Variants in LMBR1 observed in about 807,000 individuals in gnomAD.
The protein encoded by LMBR1 is limb development membrane protein 1, also known as limb region 1 protein homolog.
LMBR1 carries 52 observed loss-of-function variants against 73.9 expected under a neutral mutation model. The ratio of observed to expected loss-of-function variants is 0.70; its 90% CI spans 0.56 to 0.89. LMBR1 has a LOEUF of 0.89. Among genes scored for constraint, LMBR1 ranks in the 40% least tolerant of loss-of-function variants. The probability of loss-of-function intolerance (pLI) is 0.00; values close to 1 mark genes in which losing one functional copy is unlikely to be tolerated. For synonymous variants in LMBR1, 215 were observed against 209.4 expected, an observed-to-expected ratio of 1.03 and a Z score of -0.23; for missense variants, 539 against 579.8, an observed-to-expected ratio of 0.93 and a Z score of 0.72.
intron 15 of LMBR1, 73 bp from the exon 16 acceptor site, chr7:156,688,264 C>A (rs1806385238): frequency 9.7e-7 from 1 of 1,025,670 alleles, no homozygotes; most frequent in Non-Finnish European, 1.4e-6. Context: ...AAGTAAAGTA[C>A]AAGTTAGATC....
At chr7:156,892,424 G>C (rs936768245) in intron 1 of LMBR1, 1 of 152,150 alleles carries the variant, frequency 6.6e-6, no homozygotes, top group African/African-American at 2.4e-5. Flanking sequence ...CGGACCCGCC[G>C]GGCCCACCCA....
chr7:156,818,598 C>T (rs765350732), intron 4 of LMBR1, among the ~76,000 whole-genome samples: 2 of 152,068 alleles, frequency 1.3e-5, no homozygotes, highest in African/African-American at 4.8e-5. Context: ...TTAAAATTAG[C>T]GATTTTAAAG....
intron 1 of LMBR1, among the ~76,000 whole-genome samples, chr7:156,882,606 G>A (rs980241160): frequency 3.3e-5 from 5 of 152,280 alleles, no homozygotes; most frequent in Non-Finnish European, 7.4e-5. Flanking sequence ...TGGTTCTCAG[G>A]GGCAGGGACA....
At chr7:156,750,732 T>C (rs1486349076) in intron 9 of LMBR1, among the ~76,000 whole-genome samples, 1 of 152,196 alleles carries the variant, frequency 6.6e-6, no homozygotes, top group Non-Finnish European at 1.5e-5. Context: ...AGCAACATTA[T>C]AGAATCAGGG....
At chr7:156,751,432 G>T (rs913372659) in intron 9 of LMBR1, among the ~76,000 whole-genome samples, 2 of 152,180 alleles carry the variant, frequency 1.3e-5, no homozygotes, top group Admixed American at 1.3e-4. Context: ...CATCAGACAT[G>T]GGGCAGGAGT....
chr7:156,807,988 T>A (rs539722789), intron 4 of LMBR1, among the ~76,000 whole-genome samples: 1 of 152,298 alleles, frequency 6.6e-6, no homozygotes, highest in African/African-American at 2.4e-5. Context: ...GTGTATCTTG[T>A]ATGACTTAAA....
intron 1 of LMBR1, among the ~76,000 whole-genome samples, chr7:156,862,962 G>A (rs190816188): frequency 3.7e-4 from 57 of 152,176 alleles, no homozygotes; most frequent in African/African-American, 1.3e-3. Context: ...GCAGACCATG[G>A]GACTTGTCAG....
chr7:156,688,319 T>C (rs930880100), intron 15 of LMBR1, 128 bp from the exon 16 acceptor site: 11 of 619,414 alleles, frequency 1.8e-5, no homozygotes, highest in Middle Eastern at 8.8e-4. Context: ...GATGCTCTAA[T>C]GAATAAATCC....
At chr7:156,744,190 G>A (rs1257676531) in intron 9 of LMBR1, among the ~76,000 whole-genome samples, 4 of 151,964 alleles carry the variant, frequency 2.6e-5, no homozygotes, top group African/African-American at 9.7e-5. Flanking sequence ...GGTGCGTGCC[G>A]CCACACTCAG....
chr7:156,871,624 C>A (rs1272735426), intron 1 of LMBR1, among the ~76,000 whole-genome samples: 1 of 152,262 alleles, frequency 6.6e-6, no homozygotes, highest in East Asian at 1.9e-4. Context: ...GCCTAGGATG[C>A]AAGAATGGTT....
intron 9 of LMBR1, among the ~76,000 whole-genome samples, chr7:156,745,269 T>A (rs1819637122): frequency 6.6e-6 from 1 of 152,212 alleles, no homozygotes; most frequent in African/African-American, 2.4e-5. Flanking sequence ...GGATTAGGTA[T>A]GAATTCTTAT....
downstream of LMBR1, chr7:156,676,304 T>G: frequency 1.9e-6 from 3 of 1,606,288 alleles, no homozygotes; most frequent in South Asian, 1.1e-5. Flanking sequence ...GAATGAAACT[T>G]CCGCATGTTT....
chr7:156,884,509 T>C (rs149336501), intron 1 of LMBR1, among the ~76,000 whole-genome samples: 1 of 152,338 alleles, frequency 6.6e-6, no homozygotes, highest in Non-Finnish European at 1.5e-5. Context: ...TCCAGTCTTC[T>C]TTCCTTCTAG....
intron 1 of LMBR1, 79 bp downstream of exon 1, chr7:156,892,849 G>A: frequency 1.5e-6 from 1 of 647,916 alleles, no homozygotes; most frequent in Non-Finnish European, 2.0e-6. Flanking sequence ...AGGGGTCCGG[G>A]GACCGGGGGC....
chr7:156,728,726 A>G lies in LMBR1; in HGVS notation c.839-6T>C, dbSNP rs1816255589. 1 of 1,586,920 alleles carries G rather than the reference A, an allele frequency of 6.3e-7. No individual in the cohort carries two copies. Among genetic ancestry groups the G allele is most frequent in the Non-Finnish European group, 8.6e-7 (1 of 1,168,830 alleles). On this transcript the variant is annotated splice_region_variant and splice_polypyrimidine_tract_variant and intron_variant, in intron 10 of 16. Coordinates refer to ENST00000353442, the MANE Select transcript of LMBR1 (RefSeq NM_022458.4). ...TGAAGCCTTTTTTCGCCTCTCTATT[A>G]AAAGGAAAAACAAAATAAAACAAAG...
At position 156,731,564 on chromosome 7, in the gene LMBR1, GAAC is replaced by G. The variant is rs771590364; in HGVS notation, c.838+2610_838+2612del. Among the ~76,000 whole-genome samples, 20 of 152,266 alleles carry G rather than the reference GAAC, an allele frequency of 1.3e-4. No homozygotes were observed. The South Asian group carries it at 1.9e-3, about 14-fold the overall frequency. On this transcript the variant is annotated intron_variant, in intron 10 of 16. Coordinates refer to ENST00000353442, the MANE Select transcript of LMBR1 (RefSeq NM_022458.4). ...TTTAACAAGAAACCAGAAGACAGTA[GAAC>G]AACATCTTTCCAATGCTGATAGCTA...
chr7:156,798,179 T>C (rs751764641), intron 4 of LMBR1, among the ~76,000 whole-genome samples: 3 of 152,226 alleles, frequency 2.0e-5, no homozygotes, highest in Non-Finnish European at 2.9e-5. Context: ...CTATCAAATA[T>C]GGCTAATGAC....
chr7:156,807,573 G>A (rs1231155772), intron 4 of LMBR1, among the ~76,000 whole-genome samples: 1 of 151,742 alleles, frequency 6.6e-6, no homozygotes. Context: ...CTTCTTTTTT[G>A]CTGATCATTC....
At chr7:156,765,683 A>T (rs1384609937) in intron 5 of LMBR1, among the ~76,000 whole-genome samples, 1 of 152,150 alleles carries the variant, frequency 6.6e-6, no homozygotes, top group East Asian at 1.9e-4. Flanking sequence ...AAACAGACAA[A>T]AGGAGATAAA....
Sources: gnomAD v4.1 joint callset for allele counts (sites outside exome capture counted in the v4.1 genomes callset) on GRCh38, gnomAD v4.1.1 for gene constraint, MANE v1.5 for transcripts, NCBI Gene and HGNC (gene_info 2026-07-23, HGNC 2026-07-21) for gene names.